The following CCDC81 variants were observed in gnomAD, a reference collection of about 807,000 sequenced individuals.
CCDC81 encodes coiled-coil domain containing 81, also known as coiled-coil domain-containing protein 81.
In CCDC81, 79 loss-of-function variants were observed where a neutral mutation model predicts 83.7. The observed-to-expected ratio is 0.94, with a 90% CI of 0.79 to 1.14. CCDC81 has a LOEUF of 1.14. CCDC81 is among the 50% of genes most tolerant of loss of function. The pLI, the probability that CCDC81 is intolerant of heterozygous loss-of-function variation, is 0.00. For synonymous variants in CCDC81, 252 were observed against 278.1 expected (o/e 0.91, Z 0.93); for missense variants, 791 against 778.1 (o/e 1.02, Z -0.20).
chr11:86,403,106 G>A (rs1948515983), intron 7 of CCDC81, among the ~76,000 whole-genome samples: 1 of 144,758 alleles, frequency 6.9e-6, no homozygotes, highest in Admixed American at 7.4e-5. Context: ...CTCCCACTTC[G>A]GTCTCTCAAA....
intron 10 of CCDC81, among the ~76,000 whole-genome samples, chr11:86,410,324 G>C (rs530720463): frequency 1.3e-5 from 2 of 152,230 alleles, no homozygotes; most frequent in Admixed American, 6.5e-5. Flanking sequence ...CACTGTGCTG[G>C]TGTCTAGGAA....
chr11:86,388,562 T>G (rs1022845556), intron 3 of CCDC81, among the ~76,000 whole-genome samples: 1 of 152,218 alleles, frequency 6.6e-6, no homozygotes, highest in African/African-American at 2.4e-5. Context: ...AAGTTAATTT[T>G]CAGAGTCACT....
intron 4 of CCDC81, among the ~76,000 whole-genome samples, chr11:86,394,431 A>G (rs1593918431): frequency 6.6e-6 from 1 of 152,352 alleles, no homozygotes; most frequent in South Asian, 2.1e-4. Context: ...GTCTGGCTGG[A>G]AAGCAGTCAG....
chr11:86,400,868 C>A (rs1029710659), intron 7 of CCDC81, 67 bp downstream of exon 7: 1 of 1,440,682 alleles, frequency 6.9e-7, no homozygotes, highest in Non-Finnish European at 9.5e-7. Context: ...TTGCTTGATG[C>A]GGGGAACTGT....
Position 86,400,668 on chromosome 11 carries a change from T to A in CCDC81, c.758-10T>A. 6.3e-7 allele frequency: 1 copy of A among 1,586,594 alleles called. No individual in the cohort carries two copies. The highest frequency in any genetic ancestry group is 8.6e-7 in the Non-Finnish European group (1 of 1,159,832). On this transcript the variant is annotated splice_polypyrimidine_tract_variant and intron_variant, in intron 6 of 14. Coordinates refer to ENST00000445632, the MANE Select transcript of CCDC81 (RefSeq NM_001156474.2). The stretch of plus-strand genomic sequence containing the variant: ...AGGAGACTCGTTTTCATTCATTCTT[T>A]ATTCTACAGATATCTCATCACCCAA...
At chr11:86,408,072 G>A (rs946517238) in intron 8 of CCDC81, 55 bp from the exon 9 acceptor site, 42 of 1,579,264 alleles carry the variant, frequency 2.7e-5, no homozygotes, top group East Asian at 1.8e-4. Flanking sequence ...AAGGGAATGC[G>A]AAAGCAAAAA....
Position 86,397,695 on chromosome 11 carries a change from G to C in CCDC81, c.710G>C (p.Arg237Thr). The C allele has an allele frequency of 6.2e-7, 1 of 1,613,812 alleles. No individual in the cohort carries two copies. Among genetic ancestry groups the C allele is most frequent in the Non-Finnish European group, 8.5e-7 (1 of 1,179,882 alleles). Residue 237 changes from arginine to threonine, a missense_variant, in exon 6 of 15, where the codon AGG becomes ACG. Arg to Thr is a moderately conservative substitution (Grantham distance 71). Transcript: ENST00000445632. ...LVEECGENRE[R>T]KCKLKDQSDK... ...GAAGAATGTGGAGAGAATAGAGAAA[G>C]GAAGTGCAAGTTAAAAGACCAGTCA...
chr11:86,378,724 C>T (rs1027114525), intron 1 of CCDC81, among the ~76,000 whole-genome samples: 1 of 152,110 alleles, frequency 6.6e-6, no homozygotes, highest in Non-Finnish European at 1.5e-5. Flanking sequence ...TTATGTAATG[C>T]TCTTTATTTC....
At chr11:86,377,166 C>A (rs2138482642) in intron 1 of CCDC81, among the ~76,000 whole-genome samples, 1 of 147,514 alleles carries the variant, frequency 6.8e-6, no homozygotes, top group East Asian at 2.0e-4. Context: ...TCTAGATGTA[C>A]CACAGGTTTT....
rs1948083267 is a variant in CCDC81, at chr11:86,375,201, G to C, written c.38G>C (p.Gly13Ala). 6.2e-7 allele frequency: 1 copy of C among 1,612,952 alleles called. No homozygotes were observed. Residue 13 changes from glycine to alanine, a missense_variant, in exon 1 of 15, where the codon GGC becomes GCC. Transcript: ENST00000445632. ...DTIARALQDL[G>A]RQVLPTLPSL... ...ATCGCCCGTGCCCTGCAGGACCTGG[G>C]CAGGCAGGTGCTGCCCACTCTGCCC... is the stretch of plus-strand genomic sequence containing the variant.
In CCDC81 at chr11:86,415,192, C is replaced by T. The variant is rs147662103; in HGVS notation, c.1570C>T (p.Arg524Ter). ...TGAACTGATGGTGGAAAAGCAAAAG[C>T]GAGAACAAAATTACATGAAACACCA... Reference protein sequence around the residue: ...EGELMVEKQKREQNYMKHQLE... With the variant: ...EGELMVEKQK Residue 524 changes from arginine to a stop codon, truncating the protein, a stop_gained, in exon 13 of 15, where the codon CGA (arginine) becomes TGA (stop). Transcript: ENST00000445632. LOFTEE classifies it high-confidence loss of function. 9.9e-6 allele frequency: 16 copies of T among 1,613,986 alleles called. No homozygotes were observed. In the African/African-American group the frequency reaches 2.0e-4, roughly 20 times the overall value.
chr11:86,396,837 A>C (rs1243625049), intron 5 of CCDC81, among the ~76,000 whole-genome samples: 9 of 152,252 alleles, frequency 5.9e-5, no homozygotes, highest in Admixed American at 5.2e-4. Flanking sequence ...TTCGGAAGGC[A>C]AACATGGCTG....
chr11:86,402,187 T>G (rs570632252), intron 7 of CCDC81, among the ~76,000 whole-genome samples: 1 of 151,434 alleles, frequency 6.6e-6, no homozygotes, highest in East Asian at 1.9e-4. Context: ...TTGTGCTGAT[T>G]ACTAAAACAA....
intron 13 of CCDC81, among the ~76,000 whole-genome samples, chr11:86,418,590 CATT>C (rs1390741273): frequency 6.6e-6 from 1 of 152,146 alleles, no homozygotes; most frequent in Non-Finnish European, 1.5e-5. Context: ...CCCTCAAGGT[CATT>C]ATGTTAAGTG....
intron 9 of CCDC81, among the ~76,000 whole-genome samples, chr11:86,408,501 T>A (rs939995577): frequency 2.0e-5 from 3 of 151,962 alleles, no homozygotes; most frequent in Non-Finnish European, 4.4e-5. Context: ...ACCTGGCTAA[T>A]TTATGTATTT....
chr11:86,419,777 T>A, intron 13 of CCDC81, 151 bp from the exon 14 acceptor site: 2 of 594,890 alleles, frequency 3.4e-6, no homozygotes, highest in Non-Finnish European at 5.1e-6. Flanking sequence ...AATTTCAGTA[T>A]GCTTTTACAG....
At chr11:86,408,473 AC>A (rs550620355) in intron 9 of CCDC81, among the ~76,000 whole-genome samples, 11 of 152,224 alleles carry the variant, frequency 7.2e-5, no homozygotes, top group Non-Finnish European at 1.3e-4. Flanking sequence ...AGCTGGGACT[AC>A]AGGCACACGT....
chr11:86,415,314 G>A lies in CCDC81; in HGVS notation c.1691+1G>A. Reference sequence around the variant, plus strand: ...AAATGCTTCAGAGGACACAAAGAGAGTAAGGAGACCCCTGATCTTTCTCCC... The same window carrying A: ...AAATGCTTCAGAGGACACAAAGAGAATAAGGAGACCCCTGATCTTTCTCCC... On this transcript the variant is annotated splice_donor_variant, in intron 13 of 14. Transcript: ENST00000445632. LOFTEE classifies it high-confidence loss of function. 1 of 1,611,236 alleles carries A rather than the reference G, an allele frequency of 6.2e-7. No homozygotes were observed. Among genetic ancestry groups the A allele is most frequent in the Non-Finnish European group, 8.5e-7 (1 of 1,177,894 alleles).
intron 1 of CCDC81, 63 bp downstream of exon 1, chr11:86,375,305 G>A (rs1948084620): frequency 7.0e-7 from 1 of 1,436,246 alleles, no homozygotes; most frequent in East Asian, 2.3e-5. Flanking sequence ...TTGCAGGGGA[G>A]GCGGGGGGAC....
Sources: gnomAD v4.1 joint callset for allele counts (sites outside exome capture counted in the v4.1 genomes callset) on GRCh38, gnomAD v4.1.1 for gene constraint, MANE v1.5 for transcripts, NCBI Gene and HGNC (gene_info 2026-07-23, HGNC 2026-07-21) for gene names.